The following RBFOX1 variants were observed in gnomAD, a reference collection of about 807,000 sequenced individuals.
The protein encoded by RBFOX1 is RNA binding fox-1 homolog 1.
A neutral mutation model predicts 57.7 loss-of-function variants in RBFOX1; 8 were observed. The observed-to-expected ratio is 0.14, with a 90% CI of 0.08 to 0.25. RBFOX1 has a LOEUF of 0.25. RBFOX1 is among the 10% of genes least tolerant of loss of function. The pLI is 1.00. For synonymous variants in RBFOX1, 326 were observed against 222.4 expected, an observed-to-expected ratio of 1.47 and a Z score of -4.15; for missense variants, 611 against 548.5, an observed-to-expected ratio of 1.11 and a Z score of -1.14.
At chr16:5,648,529 G>A (rs1210860904) in intron 3 of RBFOX1, among the ~76,000 whole-genome samples, 1 of 152,096 alleles carries the variant, frequency 6.6e-6, no homozygotes, top group Non-Finnish European at 1.5e-5. Flanking sequence ...TTGCGGGGAG[G>A]TGGTACTGGC....
chr16:7,441,600 CT>C (rs995413798), intron 4 of RBFOX1, among the ~76,000 whole-genome samples: 20 of 152,246 alleles, frequency 1.3e-4, no homozygotes, highest in Admixed American at 9.8e-4. Flanking sequence ...TTTGTTTTTG[CT>C]TTTTTCCCCC....
At chr16:7,556,428 C>A (rs1156599234) in intron 5 of RBFOX1, among the ~76,000 whole-genome samples, 1 of 152,112 alleles carries the variant, frequency 6.6e-6, no homozygotes, top group Admixed American at 6.6e-5. Context: ...TGATGGTACC[C>A]AAGATAAATG....
Position 6,030,781 on chromosome 16 carries a change from T to C in RBFOX1, c.-127+10789T>C, listed in dbSNP as rs113837184. Among the ~76,000 whole-genome samples, 441 of 152,320 alleles carry C rather than the reference T, an allele frequency of 2.9e-3. 5 individuals are homozygous for C. The highest frequency in any genetic ancestry group is 0.01 in the African/African-American group (426 of 41,574). On this transcript the variant is annotated intron_variant, in intron 1 of 15. Transcript: ENST00000550418. ...TGGTTACTCTTTCTTATTTTCTCCT[T>C]TTAAAAAACATTTTCCTGGAGCACT...
intron 2 of RBFOX1, among the ~76,000 whole-genome samples, chr16:6,487,853 C>G (rs1314142579): frequency 6.6e-6 from 1 of 150,860 alleles, no homozygotes; most frequent in Admixed American, 6.6e-5. Context: ...AGCCAAATCT[C>G]TCCCTGTTAT....
chr16:5,490,408 T>A lies in RBFOX1; in HGVS notation c.258+23154T>A, dbSNP rs2042787793. Among the ~76,000 whole-genome samples, 3 of 152,190 alleles carry A rather than the reference T, an allele frequency of 2.0e-5. No individual in the cohort carries two copies. In the South Asian group the frequency reaches 6.2e-4, roughly 32 times the overall value. ...CTGGAACCAGGACTTGAACCCAGGT[T>A]CCTCCTATTCATAGCTGCAACTTGA... On this transcript the variant is annotated intron_variant, in intron 2 of 2. Transcript: ENST00000585867.
chr16:7,658,550 C>G (rs2066897274), intron 12 of RBFOX1, among the ~76,000 whole-genome samples: 1 of 152,114 alleles, frequency 6.6e-6, no homozygotes, highest in Non-Finnish European at 1.5e-5. Context: ...AGCTGATTAT[C>G]TGTGCATCAA....
At chr16:5,860,674 A>G (rs1045596414) in intron 3 of RBFOX1, among the ~76,000 whole-genome samples, 6 of 152,190 alleles carry the variant, frequency 3.9e-5, no homozygotes, top group Admixed American at 3.3e-4. Context: ...GGACAAGGCA[A>G]TTGTGCTATT....
At chr16:6,977,985 T>G (rs897192246) in intron 3 of RBFOX1, among the ~76,000 whole-genome samples, 1 of 148,486 alleles carries the variant, frequency 6.7e-6, no homozygotes, top group Non-Finnish European at 1.5e-5. Flanking sequence ...GCTGAATGTG[T>G]CTTTGCAAGA....
chr16:6,616,527 T>C (rs1390062725), intron 2 of RBFOX1, among the ~76,000 whole-genome samples: 1 of 152,020 alleles, frequency 6.6e-6, no homozygotes, highest in Non-Finnish European at 1.5e-5. Context: ...ATACAAAAAA[T>C]TAGCCAGGCA....
intron 4 of RBFOX1, among the ~76,000 whole-genome samples, chr16:7,139,438 A>C (rs2073037822): frequency 6.6e-6 from 1 of 152,136 alleles, no homozygotes; most frequent in Non-Finnish European, 1.5e-5. Context: ...AGAGGGTCCT[A>C]TATACCTACC....
chr16:6,285,075 T>C (rs1161495854), intron 1 of RBFOX1, among the ~76,000 whole-genome samples: 2 of 152,116 alleles, frequency 1.3e-5, no homozygotes, highest in Non-Finnish European at 1.5e-5. Flanking sequence ...GATTTCTTCG[T>C]TGTTGTTTCT....
At chr16:6,131,770 C>T (rs774793957) in intron 1 of RBFOX1, among the ~76,000 whole-genome samples, 1 of 152,162 alleles carries the variant, frequency 6.6e-6, no homozygotes, top group Non-Finnish European at 1.5e-5. Context: ...TCCTTCTCAT[C>T]ATAGTTATGT....
At chr16:6,045,007 C>T (rs2095480501) in intron 1 of RBFOX1, among the ~76,000 whole-genome samples, 1 of 152,190 alleles carries the variant, frequency 6.6e-6, no homozygotes, top group Non-Finnish European at 1.5e-5. Flanking sequence ...TAAAAATAGC[C>T]ATGATGCCTG....
chr16:6,699,551 A>G (rs573925920), intron 3 of RBFOX1, among the ~76,000 whole-genome samples: 1 of 152,302 alleles, frequency 6.6e-6, no homozygotes, highest in African/African-American at 2.4e-5. Context: ...CACTCCAGTA[A>G]CAAACACCAA....
At chr16:7,006,507 T>C (rs1228338946) in intron 3 of RBFOX1, among the ~76,000 whole-genome samples, 1 of 151,754 alleles carries the variant, frequency 6.6e-6, no homozygotes, top group Non-Finnish European at 1.5e-5. Flanking sequence ...TGGAATGGAG[T>C]GATATGATCA....
chr16:6,079,789 T>C (rs7203381), intron 1 of RBFOX1, among the ~76,000 whole-genome samples: 102,480 of 152,008 alleles, frequency 0.67, 35,410 homozygotes, highest in Non-Finnish European at 0.77. Flanking sequence ...GGAGCTGTGA[T>C]TGTGTTACTG....
chr16:7,360,492 C>G (rs375289339), intron 4 of RBFOX1, among the ~76,000 whole-genome samples: 3 of 152,130 alleles, frequency 2.0e-5, no homozygotes, highest in African/African-American at 4.8e-5. Context: ...CTCACATAAC[C>G]CATCCTAGCT....
intron 1 of RBFOX1, among the ~76,000 whole-genome samples, chr16:6,110,831 C>T (rs1340812776): frequency 2.6e-5 from 4 of 152,104 alleles, no homozygotes; most frequent in Non-Finnish European, 4.4e-5. Context: ...GGGTAGAGGC[C>T]AGAGACGGTG....
intron 4 of RBFOX1, among the ~76,000 whole-genome samples, chr16:7,248,742 C>T (rs1464464084): frequency 6.6e-6 from 1 of 152,106 alleles, no homozygotes; most frequent in African/African-American, 2.4e-5. Context: ...TGTGAATTAG[C>T]ATTATCATTA....
Sources: allele counts gnomAD v4.1 joint callset (sites outside exome capture counted in the v4.1 genomes callset), GRCh38; gene constraint gnomAD v4.1.1; transcripts MANE v1.5; gene names NCBI Gene and HGNC (gene_info 2026-07-23, HGNC 2026-07-21).